The following CCDC57 variants were observed in gnomAD, a reference collection of about 807,000 sequenced individuals.
CCDC57 encodes coiled-coil domain containing 57, also known as coiled-coil domain-containing protein 57.
Under a neutral mutation model 118.9 loss-of-function variants are expected in CCDC57, and 118 were observed. That is an observed-to-expected ratio of 0.99 (90% CI 0.86 to 1.16). The LOEUF (loss-of-function observed/expected upper bound fraction) is 1.16. Ranked by LOEUF, CCDC57 falls within the 50% of genes most tolerant of loss-of-function variation. The pLI is 0.00. For missense variants in CCDC57, 1,300 were observed against 1,320.7 expected (o/e 0.98, Z 0.24); for synonymous variants, 527 against 532.9 (o/e 0.99, Z 0.15).
At chr17:82,194,076 G>A in exon 6 of CCDC57, 1 of 1,613,958 alleles carries the variant, frequency 6.2e-7, no homozygotes, top group Non-Finnish European at 8.5e-7. Flanking sequence ...GCCCTCTGCA[G>A]ACTCTCTGCA....
chr17:82,198,575 C>T lies in CCDC57; in HGVS notation c.408-153G>A, dbSNP rs948388180. On this transcript the variant is annotated intron_variant, in intron 3 of 19. Coordinates refer to ENST00000665763, the Ensembl canonical transcript of CCDC57. ...CCACGGGGTAGCAGAACTTCCAGCC[C>T]CACCTGGACCAGCATGCTACACCCA... 8 of 594,260 alleles carry T rather than the reference C, an allele frequency of 1.3e-5. No individual in the cohort carries two copies. The African/African-American group carries it at 1.5e-4, about 11-fold the overall frequency. 36.8% of individuals were successfully genotyped at this position (594,260 alleles called of 1,614,324 possible). A position where few individuals can be genotyped will look rare whatever the true frequency, so the allele number is the denominator to read the frequency against.
intron 16 of CCDC57, among the ~76,000 whole-genome samples, chr17:82,146,377 T>A (rs947534949): frequency 3.9e-5 from 6 of 152,134 alleles, no homozygotes; most frequent in Admixed American, 6.6e-5. Flanking sequence ...TTTATTTTTT[T>A]AAATGTTTTT....
At chr17:82,209,725 G>C (rs1276055765) in intron 1 of CCDC57, among the ~76,000 whole-genome samples, 1 of 152,106 alleles carries the variant, frequency 6.6e-6, no homozygotes, top group African/African-American at 2.4e-5. Flanking sequence ...CACCTCAAGC[G>C]ATTTTCCCCC....
intron 3 of CCDC57, 29 bp from the exon 3 acceptor site, chr17:82,198,451 G>T (rs185888504): frequency 6.4e-6 from 9 of 1,415,762 alleles, no homozygotes; most frequent in Non-Finnish European, 7.9e-6. Context: ...ATTAAGAAAA[G>T]CCATACCAAA....
Position 82,206,261 on chromosome 17 carries a change from C to T in CCDC57, c.-9+1586G>A, listed in dbSNP as rs74523455. 4.6e-3 allele frequency among the ~76,000 whole-genome samples: 704 copies of T among 152,348 alleles called. 3 individuals carry two copies. The highest frequency in any genetic ancestry group is 7.8e-3 in the Non-Finnish European group (530 of 68,034). Reference sequence around the variant, plus strand: ...TTTTAAAAATACTGAGCTGAGCTAACGGTGATGTTGTAGGTTTACCTGTTG... The same window carrying T: ...TTTTAAAAATACTGAGCTGAGCTAATGGTGATGTTGTAGGTTTACCTGTTG... On this transcript the variant is annotated intron_variant, in intron 2 of 19. Coordinates refer to ENST00000665763, the Ensembl canonical transcript of CCDC57.
chr17:82,174,209 C>CTG (rs558548776), intron 11 of CCDC57, among the ~76,000 whole-genome samples: 12 of 152,260 alleles, frequency 7.9e-5, no homozygotes, highest in Non-Finnish European at 1.6e-4. Flanking sequence ...CCAGGACGCT[C>CTG]TGACTGCCCG....
chr17:82,101,951 GC>G, intron 19 of CCDC57, 85 bp from the exon 19 acceptor site: 1 of 1,306,978 alleles, frequency 7.7e-7, no homozygotes, highest in Non-Finnish European at 1.0e-6. Context: ...CACAGGTGCA[GC>G]ACTTCCGTGT....
At chr17:82,158,005 G>A in intron 14 of CCDC57, 57 bp from the exon 14 acceptor site, 3 of 1,514,236 alleles carry the variant, frequency 2.0e-6, no homozygotes, top group Non-Finnish European at 1.8e-6. Flanking sequence ...GCTGGAGCAG[G>A]CCCCTGGGCA....
chr17:82,212,729 C>A lies in CCDC57; in HGVS notation c.-211+56G>T. 9.1e-6 allele frequency: 1 copy of A among 109,554 alleles called. No homozygotes were observed. The highest frequency in any genetic ancestry group is 2.9e-4 in the South Asian group (1 of 3,408). The allele number at this position is 109,554 out of a possible 1,614,324, so 6.8% of individuals were successfully genotyped here. A position where few individuals can be genotyped will look rare whatever the true frequency, so the allele number is the denominator to read the frequency against. Reference sequence around the variant, plus strand: ...TGGGGTTTTCTACAGGAAGAGTGGTCGGAGCGGCGCCCCCCACGCCTCCCA... The same window carrying A: ...TGGGGTTTTCTACAGGAAGAGTGGTAGGAGCGGCGCCCCCCACGCCTCCCA... On this transcript the variant is annotated intron_variant, in intron 1 of 19. Transcript: ENST00000665763. The surrounding 1 kb of genome is among the most constrained non-coding windows in gnomAD (Gnocchi z 4.1).
chr17:82,127,553 C>T (rs1310319661), intron 19 of CCDC57, 139 bp downstream of exon 18: 1 of 1,440,392 alleles, frequency 6.9e-7, no homozygotes, highest in East Asian at 2.5e-5. Flanking sequence ...AAAGAGACTC[C>T]ATGCATTACT....
Position 82,201,857 on chromosome 17 carries a change from G to A in CCDC57, c.88C>T (p.Gln30Ter). The change falls in exon 3 of 20, where the codon CAG becomes TAG. Residue 30 changes from glutamine to a stop codon, truncating the protein, a stop_gained. Transcript: ENST00000665763. LOFTEE classifies it high-confidence loss of function. ...TCCTGCAGAGCCGCCTCCTGCAGCT[G>A]GGTGCGGTGTGCCTGCAGCGCCCTC... 5 of 1,613,378 alleles carry A rather than the reference G, an allele frequency of 3.1e-6. No individual in the cohort carries two copies. Among genetic ancestry groups the A allele is most frequent in the Non-Finnish European group, 4.2e-6 (5 of 1,179,786 alleles).
intron 4 of CCDC57, among the ~76,000 whole-genome samples, chr17:82,197,799 C>G (rs946844412): frequency 2.6e-5 from 4 of 152,188 alleles, no homozygotes; most frequent in African/African-American, 7.2e-5. Flanking sequence ...CTCGCTCTCT[C>G]TGCTTGAGCT....
chr17:82,136,597 A>AGC (rs989095813), intron 16 of CCDC57, among the ~76,000 whole-genome samples: 1 of 45,288 alleles, frequency 2.2e-5, no homozygotes, highest in African/African-American at 7.5e-5. Flanking sequence ...AAAAAAAAAA[A>AGC]AAGAAAACTA....
At chr17:82,114,966 G>A (rs1174666095) in intron 19 of CCDC57, among the ~76,000 whole-genome samples, 1 of 152,218 alleles carries the variant, frequency 6.6e-6, no homozygotes, top group Non-Finnish European at 1.5e-5. Context: ...GGGTGGCACT[G>A]ACATGGCCTC....
chr17:82,103,224 T>G (rs1320320785), intron 19 of CCDC57, among the ~76,000 whole-genome samples: 1 of 152,196 alleles, frequency 6.6e-6, no homozygotes, highest in African/African-American at 2.4e-5. Context: ...CATCTCAGCT[T>G]CTTCCACTCC....
At chr17:82,103,092 C>T (rs2034577950) in intron 19 of CCDC57, among the ~76,000 whole-genome samples, 1 of 152,144 alleles carries the variant, frequency 6.6e-6, no homozygotes, top group African/African-American at 2.4e-5. Context: ...CTGCGTGCAG[C>T]CTGGGTGACT....
rs1568347241 is a variant in CCDC57 at position 82,170,562 on chromosome 17, AGGAGTCACGTGAGCACGCAGGGGG to A, written c.1882+1115_1882+1138del. ...ACCAGGAGTGAGCATGCAGCGGGGG[AGGAGTCACGTGAGCACGCAGGGGG>A]AGAGTCCACATGAGCACGCAGGGGA... On this transcript the variant is annotated intron_variant, in intron 13 of 19. Coordinates refer to ENST00000665763, the Ensembl canonical transcript of CCDC57. Among the ~76,000 whole-genome samples the A allele has an allele frequency of 4.7e-5, 7 of 149,068 alleles. No homozygotes were observed. In the East Asian group the frequency reaches 6.0e-4, roughly 13 times the overall value.
At chr17:82,186,422 C>T (rs138808641) in intron 8 of CCDC57, among the ~76,000 whole-genome samples, 32 of 152,312 alleles carry the variant, frequency 2.1e-4, no homozygotes, top group African/African-American at 6.7e-4. Flanking sequence ...GAAGCACCTG[C>T]GGCCCCTCTC....
chr17:82,154,992 G>A (rs1475378619), intron 15 of CCDC57: 1 of 152,278 alleles, frequency 6.6e-6, no homozygotes, highest in Non-Finnish European at 1.5e-5. Flanking sequence ...CCTCTGTTTG[G>A]GCTTGCCTGA....
Sources: allele counts gnomAD v4.1 joint callset (sites outside exome capture counted in the v4.1 genomes callset), GRCh38; gene constraint gnomAD v4.1.1; non-coding constraint Gnocchi (gnomAD v3.1); transcripts MANE v1.5; gene names NCBI Gene and HGNC (gene_info 2026-07-23, HGNC 2026-07-21).